The following SMG5 variants were observed in gnomAD, a reference collection of about 807,000 sequenced individuals.
SMG5 encodes nonsense-mediated mRNA decay factor SMG5.
In SMG5, 53 loss-of-function variants were observed where a neutral mutation model predicts 122.9. The ratio of observed to expected loss-of-function variants is 0.43; its 90% CI spans 0.35 to 0.54. The LOEUF is 0.54. Ranked by LOEUF, SMG5 falls within the 20% of genes least tolerant of loss-of-function variation. SMG5 has a pLI of 0.01. For missense variants in SMG5, 1,153 were observed against 1,285.6 expected, an observed-to-expected ratio of 0.90 and a Z score of 1.58; for synonymous variants, 477 against 490.2, an observed-to-expected ratio of 0.97 and a Z score of 0.35.
At chr1:156,267,745 T>C in intron 9 of SMG5, 67 bp from the exon 10 acceptor site, 2 of 1,368,346 alleles carry the variant, frequency 1.5e-6, no homozygotes, top group Non-Finnish European at 2.0e-6. Flanking sequence ...GAGCAGGGAA[T>C]ACAAGATTCA....
chr1:156,278,357 T>G (rs12027741), intron 2 of SMG5, among the ~76,000 whole-genome samples: 34,896 of 151,368 alleles, frequency 0.23, 4,702 homozygotes, highest in Non-Finnish European at 0.29. Context: ...CCGACTCCCT[T>G]GACTCAAATA....
intron 5 of SMG5, 92 bp from the exon 6 acceptor site, chr1:156,273,542 CAA>C (rs1485135017): frequency 1.6e-6 from 2 of 1,231,038 alleles, no homozygotes; most frequent in Non-Finnish European, 1.2e-6. Context: ...AGAGTGGTAA[CAA>C]GAGCCTGGAA....
intron 1 of SMG5, among the ~76,000 whole-genome samples, chr1:156,280,874 A>T (rs1183693347): frequency 6.6e-6 from 1 of 152,250 alleles, no homozygotes; most frequent in Non-Finnish European, 1.5e-5. Flanking sequence ...GGCCTAGCAA[A>T]AACAAAAATG....
intron 4 of SMG5, among the ~76,000 whole-genome samples, chr1:156,276,564 G>C (rs1164523306): frequency 6.6e-6 from 1 of 152,232 alleles, no homozygotes; most frequent in Admixed American, 6.5e-5. Flanking sequence ...AGAGCAGAGA[G>C]AGCTGGGTGA....
At chr1:156,282,559 T>G in intron 1 of SMG5, 48 bp downstream of exon 1, 1 of 1,538,626 alleles carries the variant, frequency 6.5e-7, no homozygotes, top group Non-Finnish European at 8.8e-7. Context: ...CCCCTCGCCG[T>G]CTCCCCACTT....
At chr1:156,283,442 C>T (rs192499636), upstream of SMG5, among the ~76,000 whole-genome samples, 2 of 152,318 alleles carry the variant, frequency 1.3e-5, no homozygotes, top group African/African-American at 2.4e-5. Flanking sequence ...AAGCTAGACA[C>T]TATCCCTGCC....
chr1:156,285,362 T>G (rs1221131317), upstream of SMG5: 1 of 1,575,944 alleles, frequency 6.3e-7, no homozygotes, highest in Non-Finnish European at 8.6e-7. Flanking sequence ...GGGAGCTGAG[T>G]CCCTCAGAGT....
upstream of SMG5, chr1:156,283,012 G>A: frequency 3.9e-6 from 2 of 506,332 alleles, no homozygotes; most frequent in Non-Finnish European, 7.0e-6. Flanking sequence ...AAAGCTATCA[G>A]AGAACGGACA....
chr1:156,250,479 C>T lies in SMG5; in HGVS notation c.*108G>A, dbSNP rs1054338280. The T allele has an allele frequency of 4.1e-5, 39 of 956,000 alleles. No homozygotes were observed. The highest frequency in any genetic ancestry group is 2.7e-4 in the African/African-American group (17 of 62,202). The allele number at this position is 956,000 out of a possible 1,614,324, so 59.2% of individuals were successfully genotyped here. A position where few individuals can be genotyped will look rare whatever the true frequency, so the allele number is the denominator to read the frequency against. On this transcript the variant is annotated 3_prime_UTR_variant, in exon 22 of 22. Coordinates refer to ENST00000361813, the MANE Select transcript of SMG5 (RefSeq NM_015327.3). ...AGCAGCTAGGCCTCCCTCCTGTGTG[C>T]GTGCATGAGTCTGCGTGTGGTGGGG...
chr1:156,267,625 T>G lies in SMG5; in HGVS notation c.962A>C (p.Asn321Thr), dbSNP rs755697720. The G allele has an allele frequency of 3.7e-6, 6 of 1,613,114 alleles. No homozygotes were observed. In the Admixed American group the frequency reaches 5.0e-5, roughly 13 times the overall value. Residue 321 changes from asparagine to threonine, a missense_variant, in exon 10 of 22, where the codon AAC becomes ACC. Around this residue, in one of 5 missense-constraint regions of SMG5, gnomAD observed 631 missense variants for 650.6 expected, o/e 0.97. Coordinates refer to ENST00000361813, the MANE Select transcript of SMG5 (RefSeq NM_015327.3). Reference sequence around the variant, plus strand: ...GGAGGGCAGGTAGAAGAGGCAGAGGTTGAAGTCCTCCAGGACTGACTGGCA... The same window carrying G: ...GGAGGGCAGGTAGAAGAGGCAGAGGGTGAAGTCCTCCAGGACTGACTGGCA... The part of the protein sequence containing the change: ...SLCQSVLEDF[N>T]LCLFYLPSSP...
intron 14 of SMG5, 150 bp from the exon 15 acceptor site, chr1:156,260,776 T>G: frequency 1.6e-6 from 1 of 641,410 alleles, no homozygotes; most frequent in South Asian, 3.7e-5. Flanking sequence ...GGGAGTGAAG[T>G]AAAGAGAGAT....
rs1662216753 is a variant in SMG5, at chr1:156,267,693, G to A, written c.909-15C>T. On this transcript the variant is annotated splice_polypyrimidine_tract_variant and intron_variant, in intron 9 of 21. Coordinates refer to ENST00000361813, the MANE Select transcript of SMG5 (RefSeq NM_015327.3). ...AGTCCACGGAGCTACAGAGGGGCAG[G>A]AGTAACAGGGGAGGTCAGTGGTGGG... is the stretch of plus-strand genomic sequence containing the variant. The A allele has an allele frequency of 6.3e-7, 1 of 1,598,152 alleles. No individual in the cohort carries two copies.
chr1:156,264,756 C>T (rs935477498), intron 12 of SMG5, among the ~76,000 whole-genome samples: 53 of 151,944 alleles, frequency 3.5e-4, no homozygotes, highest in African/African-American at 1.1e-3. Context: ...CTAGGTGTGG[C>T]GGCTCACACC....
At chr1:156,263,609 A>G (rs779745403) in intron 12 of SMG5, 39 bp from the exon 13 acceptor site, 1 of 1,599,762 alleles carries the variant, frequency 6.3e-7, no homozygotes, top group East Asian at 2.2e-5. Context: ...AAACTGGGAT[A>G]AACAACTGAC....
In SMG5 at chr1:156,266,323, G is replaced by A. The variant is rs895751832; in HGVS notation, c.1313C>T (p.Pro438Leu). The part of the protein sequence containing the change: ...EKEEEPDPEP[P>L]PVTPQVGEGR... ...CTCACCCACTTGGGGTGTTACAGGA[G>A]GAGGCTCAGGATCTGGCTCCTCCTC... The change falls in exon 12 of 22, where the codon CCT becomes CTT. Residue 438 changes from proline to leucine, a missense_variant. Pro to Leu is a moderately conservative substitution (Grantham distance 98). Around this residue, in one of 5 missense-constraint regions of SMG5, gnomAD observed 631 missense variants for 650.6 expected, o/e 0.97. Coordinates refer to ENST00000361813, the MANE Select transcript of SMG5 (RefSeq NM_015327.3). 6.2e-7 allele frequency: 1 copy of A among 1,614,174 alleles called. No individual in the cohort carries two copies. Among genetic ancestry groups the A allele is most frequent in the Non-Finnish European group, 8.5e-7 (1 of 1,180,034 alleles).
At chr1:156,286,555 T>C, upstream of SMG5, 1 of 1,430,750 alleles carries the variant, frequency 7.0e-7, no homozygotes, top group Admixed American at 1.7e-5. Flanking sequence ...AGAGCCAGGG[T>C]CAGGAGCTTT....
At chr1:156,260,315 A>T in intron 15 of SMG5, 136 bp downstream of exon 15, 2 of 1,070,418 alleles carry the variant, frequency 1.9e-6, no homozygotes, top group Non-Finnish European at 1.3e-6. Flanking sequence ...AAGGAAGCAC[A>T]GCCTGTAGCC....
upstream of SMG5, chr1:156,286,261 G>T (rs759965979): frequency 1.9e-6 from 3 of 1,613,998 alleles, no homozygotes; most frequent in Admixed American, 3.3e-5. Context: ...TCCACCCAGG[G>T]ATCCTGGTGT....
At chr1:156,270,711 A>C (rs1662370599) in intron 7 of SMG5, among the ~76,000 whole-genome samples, 1 of 152,220 alleles carries the variant, frequency 6.6e-6, no homozygotes, top group Non-Finnish European at 1.5e-5. Flanking sequence ...GGCATTTAAG[A>C]AATGGGAAAG....
Sources: allele counts gnomAD v4.1 joint callset (sites outside exome capture counted in the v4.1 genomes callset), GRCh38; gene constraint gnomAD v4.1.1; regional missense constraint gnomAD v4.1.1; transcripts MANE v1.5; gene names NCBI Gene and HGNC (gene_info 2026-07-23, HGNC 2026-07-21).